PHGDH: variants seen among roughly 807,000 people sequenced by gnomAD.
PHGDH encodes the protein phosphoglycerate dehydrogenase, also known as D-3-phosphoglycerate dehydrogenase.
In PHGDH, 50 loss-of-function variants were observed where a neutral mutation model predicts 52.6. The observed-to-expected ratio is 0.95, with a 90% CI of 0.76 to 1.20. The LOEUF (loss-of-function observed/expected upper bound fraction) is 1.20. Ranked by LOEUF, PHGDH falls within the 50% of genes most tolerant of loss-of-function variation. The pLI, the probability that PHGDH is intolerant of heterozygous loss-of-function variation, is 0.00. For missense variants in PHGDH, 630 were observed against 684.6 expected (o/e 0.92, Z 0.89); for synonymous variants, 271 against 280.5 (o/e 0.97, Z 0.34).
chr1:119,733,717 G>A (rs587614622), intron 5 of PHGDH, among the ~76,000 whole-genome samples: 96 of 152,292 alleles, frequency 6.3e-4, no homozygotes, highest in Non-Finnish European at 1.2e-3. Context: ...AAACTTGAAA[G>A]CACAGGAAAG....
At position 119,737,153 on chromosome 1, in the gene PHGDH, G is replaced by A; in HGVS notation, c.832G>A (p.Val278Ile). 6.2e-7 allele frequency: 1 copy of A among 1,614,198 alleles called. No individual in the cohort carries two copies. Among genetic ancestry groups the A allele is most frequent in the Non-Finnish European group, 8.5e-7 (1 of 1,179,994 alleles). The change falls in exon 8 of 12, where the codon GTC becomes ATC. Residue 278 changes from valine (V) to isoleucine (I), a missense_variant. Val to Ile is a conservative substitution (Grantham distance 29). Transcript: ENST00000641023. ...RDRALVDHEN[V>I]ISCPHLGAST... is the part of the protein sequence containing the mutation. ...CCGGGCCTTGGTGGACCATGAGAAT[G>A]TCATCAGCTGTCCCCACCTGGGTGC...
In PHGDH at chr1:119,737,127, A is replaced by T. The variant is rs762430145; in HGVS notation, c.806A>T (p.Asp269Val). ...LDVFTEEPPR[D>V]RALVDHENVI... ...CTTTCTGGGCAGGAGCCGCCACGGG[A>T]CCGGGCCTTGGTGGACCATGAGAAT... The change falls in exon 8 of 12, where the codon GAC becomes GTC. Residue 269 changes from aspartate (D) to valine (V), a missense_variant. Coordinates refer to ENST00000641023, the MANE Select transcript of PHGDH (RefSeq NM_006623.4). The T allele has an allele frequency of 3.1e-6, 5 of 1,614,014 alleles. No individual in the cohort carries two copies. In the South Asian group the frequency reaches 4.4e-5, roughly 14 times the overall value.
intron 9 of PHGDH, among the ~76,000 whole-genome samples, chr1:119,741,183 C>A (rs1288907062): frequency 2.0e-5 from 3 of 152,160 alleles, no homozygotes; most frequent in African/African-American, 7.2e-5. Flanking sequence ...GTTTCCTTAA[C>A]CCTGTAGACG....
Position 119,712,032 on chromosome 1 carries a change from G to C in PHGDH, c.10G>C (p.Ala4Pro). The change falls in exon 1 of 12, where the codon GCA becomes CCA. Residue 4 changes from alanine (A) to proline (P), a missense_variant. Physicochemically the swap from Ala to Pro is conservative, Grantham distance 27 (BLOSUM62 -1). Transcript: ENST00000641023. ...GAGGCCAACTCCAGCAATGGCTTTT[G>C]CAAATCTGCGGAAAGTGCTCATCAG... is the stretch of plus-strand genomic sequence containing the variant. The part of the protein sequence containing the change: MAF[A>P]NLRKVLISDS... 6.2e-7 allele frequency: 1 copy of C among 1,614,142 alleles called. No individual in the cohort carries two copies. Among genetic ancestry groups the C allele is most frequent in the South Asian group, 1.1e-5 (1 of 91,080 alleles).
In PHGDH at chr1:119,735,081, A is replaced by G. The variant is rs371817950; in HGVS notation, c.644-214A>G. 74 of 682,806 alleles carry G rather than the reference A, an allele frequency of 1.1e-4. 2 individuals carry two copies. Among genetic ancestry groups the G allele is most frequent in the African/African-American group, 1.1e-3 (60 of 56,082 alleles). The allele number at this position is 682,806 out of a possible 1,614,324, so 42.3% of individuals were successfully genotyped here. A position where few individuals can be genotyped will look rare whatever the true frequency, so the allele number is the denominator to read the frequency against. On this transcript the variant is annotated intron_variant, in intron 6 of 11. Coordinates refer to ENST00000641023, the MANE Select transcript of PHGDH (RefSeq NM_006623.4). ...CAGTAATATCTCAAGAATTTCTAAGATGTTTCTAAACTGAGTCTGGCCCAG... is the reference window on the plus strand; with the variant it reads ...CAGTAATATCTCAAGAATTTCTAAGGTGTTTCTAAACTGAGTCTGGCCCAG...
At chr1:119,742,129 A>G (rs958226314) in intron 10 of PHGDH, 4 of 569,358 alleles carry the variant, frequency 7.0e-6, no homozygotes, top group Non-Finnish European at 9.5e-6. Flanking sequence ...TGGAGGCAGT[A>G]GAAGTGTCCC....
chr1:119,742,205 A>G (rs1386026631), intron 10 of PHGDH: 4 of 436,184 alleles, frequency 9.2e-6, no homozygotes, highest in Non-Finnish European at 1.7e-5. Flanking sequence ...CTGCCAGGCC[A>G]TGTTTGACTC....
intron 10 of PHGDH, 37 bp downstream of exon 10, chr1:119,741,934 G>A (rs766394062): frequency 1.9e-6 from 3 of 1,559,852 alleles, no homozygotes; most frequent in Non-Finnish European, 2.7e-6. Context: ...CCCCATCCCT[G>A]TCAGCACTAG....
rs1571021309 is a variant in PHGDH, at chr1:119,743,147, C to T, written c.1447+103C>T. 9.8e-6 allele frequency: 8 copies of T among 814,282 alleles called. No homozygotes were observed. The East Asian group carries it at 1.9e-4, about 20-fold the overall frequency. The allele number at this position is 814,282 out of a possible 1,614,324, so 50.4% of individuals were successfully genotyped here. ...CTTCCTTTAGCCCCTCTTCATGTCC[C>T]AGGGTGTCTCTGGATCTGCACCATA... On this transcript the variant is annotated intron_variant, in intron 11 of 11. Coordinates refer to ENST00000641023, the MANE Select transcript of PHGDH (RefSeq NM_006623.4).
chr1:119,737,307 G>T (rs1257652441), intron 8 of PHGDH, 41 bp downstream of exon 8: 1 of 1,573,672 alleles, frequency 6.4e-7, no homozygotes, highest in African/African-American at 1.3e-5. Flanking sequence ...GGAGTCAGAG[G>T]GAGGAGAGGA....
At chr1:119,736,973 A>C in intron 7 of PHGDH, 141 bp from the exon 8 acceptor site, 1 of 761,320 alleles carries the variant, frequency 1.3e-6, no homozygotes, top group South Asian at 1.5e-5. Flanking sequence ...TATTGAGTCC[A>C]GTGACCACCC....
At chr1:119,715,413 G>T (rs1650885686) in intron 1 of PHGDH, among the ~76,000 whole-genome samples, 1 of 152,106 alleles carries the variant, frequency 6.6e-6, no homozygotes, top group African/African-American at 2.4e-5. Flanking sequence ...TTTACACAAG[G>T]ATTTAGTTTG....
chr1:119,738,580 C>T (rs1652047786), intron 8 of PHGDH, among the ~76,000 whole-genome samples: 1 of 152,244 alleles, frequency 6.6e-6, no homozygotes, highest in African/African-American at 2.4e-5. Flanking sequence ...GCTCGTTTCC[C>T]AGGCTGAGGT....
At chr1:119,727,968 T>A (rs924140573) in intron 5 of PHGDH, among the ~76,000 whole-genome samples, 48 of 152,184 alleles carry the variant, frequency 3.2e-4, no homozygotes, top group Non-Finnish European at 8.8e-5. Context: ...TTTTGGGTGG[T>A]CCTCTGGGTG....
intron 8 of PHGDH, chr1:119,739,669 A>T (rs1443443234): frequency 1.3e-5 from 2 of 152,256 alleles, no homozygotes; most frequent in East Asian, 1.9e-4. Flanking sequence ...ATCTCAATAA[A>T]AGTGGCCAGA....
intron 5 of PHGDH, among the ~76,000 whole-genome samples, chr1:119,732,148 C>G (rs1651721917): frequency 6.6e-6 from 1 of 152,228 alleles, no homozygotes; most frequent in Non-Finnish European, 1.5e-5. Flanking sequence ...GAGGGTTCTT[C>G]TTCAGAGCCT....
rs140185619 is a variant in PHGDH at position 119,721,212 on chromosome 1, G to A, written c.181G>A (p.Ala61Thr). The change falls in exon 2 of 12, where the codon GCT becomes ACT. Residue 61 changes from alanine (A) to threonine (T), a missense_variant. Ala to Thr is a moderately conservative substitution (Grantham distance 58). Coordinates refer to ENST00000641023, the MANE Select transcript of PHGDH (RefSeq NM_006623.4). ...TGTTCGCTCTGCCACCAAGGTGACCGCTGATGTCATCAACGCAGCTGAGAA... is the reference window on the plus strand; with the variant it reads ...TGTTCGCTCTGCCACCAAGGTGACCACTGATGTCATCAACGCAGCTGAGAA... ...LIVRSATKVT[A>T]DVINAAEKLQ... is the part of the protein sequence containing the mutation. The A allele has an allele frequency of 5.4e-5, 87 of 1,613,986 alleles. No homozygotes were observed. Among genetic ancestry groups the A allele is most frequent in the African/African-American group, 1.3e-4 (10 of 74,908 alleles).
At chr1:119,743,863 C>G (rs761018446) in intron 11 of PHGDH, 23 bp from the exon 12 acceptor site, 5 of 1,606,112 alleles carry the variant, frequency 3.1e-6, no homozygotes. Context: ...CCTGTGCCAA[C>G]CAGGAGTTTC....
intron 7 of PHGDH, among the ~76,000 whole-genome samples, chr1:119,736,226 T>C (rs1651929124): frequency 6.6e-6 from 1 of 152,230 alleles, no homozygotes; most frequent in Admixed American, 6.5e-5. Context: ...TTTGTAACCT[T>C]GGTCATCTTT....
Sources: gnomAD v4.1 joint callset for allele counts (sites outside exome capture counted in the v4.1 genomes callset) on GRCh38, gnomAD v4.1.1 for gene constraint, MANE v1.5 for transcripts, NCBI Gene and HGNC (gene_info 2026-07-23, HGNC 2026-07-21) for gene names.